Variants in NAT16 observed in about 807,000 individuals in gnomAD.
NAT16 encodes N-acetyltransferase 16 (putative), also known as probable N-acetyltransferase 16.
A neutral mutation model predicts 15.9 loss-of-function variants in NAT16; 16 were observed. The ratio of observed to expected loss-of-function variants is 1.01; its 90% CI spans 0.68 to 1.53. NAT16 has a LOEUF of 1.53. Among genes scored for constraint, NAT16 ranks in the 40% most tolerant of loss-of-function variants. The pLI, the probability that NAT16 is intolerant of heterozygous loss-of-function variation, is 0.00. For synonymous variants in NAT16, 260 were observed against 241.9 expected (o/e 1.07, Z -0.69); for missense variants, 572 against 508.4 (o/e 1.13, Z -1.20).
rs184498003 is a variant in NAT16 at position 101,173,170 on chromosome 7, T to C, written c.537+126A>G. 3.3e-4 allele frequency: 291 copies of C among 871,194 alleles called. 3 individuals carry two copies. The African/African-American group carries it at 4.5e-3, about 13-fold the overall frequency. 54.0% of individuals were successfully genotyped at this position (871,194 alleles called of 1,614,324 possible). On this transcript the variant is annotated intron_variant, in intron 3 of 3. Transcript: ENST00000300303. The stretch of plus-strand genomic sequence containing the variant: ...AGGACTGGGAGTCCCAGGGCAAGGC[T>C]CATGGGCCGCGCCACTCGGTAAAGC...
At chr7:101,173,242 C>T in intron 3 of NAT16, 54 bp downstream of exon 3, 2 of 1,492,724 alleles carry the variant, frequency 1.3e-6, no homozygotes, top group South Asian at 1.1e-5. Flanking sequence ...GGGAGGGTCT[C>T]CCCATATGCC....
At chr7:101,179,831 A>T (rs1203304298) in intron 1 of NAT16, among the ~76,000 whole-genome samples, 1 of 138,084 alleles carries the variant, frequency 7.2e-6, no homozygotes, top group Non-Finnish European at 1.6e-5. Flanking sequence ...TGGGAGCGAC[A>T]TGGCAACAGA....
In NAT16 at chr7:101,172,506, A is replaced by G; in HGVS notation, c.683T>C (p.Leu228Pro). Residue 228 changes from leucine (L) to proline (P), a missense_variant, in exon 4 of 4, where the codon CTG becomes CCG. Transcript: ENST00000300303. The surrounding 1 kb of genome is among the most constrained non-coding windows in gnomAD (Gnocchi z 4.2). Reference sequence around the variant, plus strand: ...CACGTCGCGCTGCACGGAGGGTGACAGCAGGAGGCGTGCCACGTCGCCGCC... The same window carrying G: ...CACGTCGCGCTGCACGGAGGGTGACGGCAGGAGGCGTGCCACGTCGCCGCC... ...EAGGDVARLL[L>P]SPSVQRDVLP... The G allele has an allele frequency of 6.3e-7, 1 of 1,589,896 alleles. No homozygotes were observed. Among genetic ancestry groups the G allele is most frequent in the African/African-American group, 1.4e-5 (1 of 73,938 alleles).
chr7:101,174,914 CTTTCTT>C, intron 1 of NAT16, 103 bp from the exon 2 acceptor site: 1 of 1,247,582 alleles, frequency 8.0e-7, no homozygotes, highest in Non-Finnish European at 1.0e-6. Context: ...CACAAATAGC[CTTTCTT>C]TTTCTTTTCT....
rs1380377864 is a variant in NAT16 at position 101,172,613 on chromosome 7, C to T, written c.576G>A (p.Leu192=). The T allele has an allele frequency of 6.6e-7, 1 of 1,526,220 alleles. No individual in the cohort carries two copies. The highest frequency in any genetic ancestry group is 8.7e-7 in the Non-Finnish European group (1 of 1,145,068). The allele number at this position is 1,526,220 out of a possible 1,614,324, so 94.5% of individuals were successfully genotyped here. ...LLVRFNASAL[L]AGLGARLAAL... The stretch of plus-strand genomic sequence containing the variant: ...CCGCCAGCCGCGCGCCCAGCCCGGC[C>T]AGCAGCGCGGACGCGTTGAATCGGA... Residue 192 remains leucine (L), a synonymous_variant, in exon 4 of 4, where the codon CTG becomes CTA. Transcript: ENST00000300303. The surrounding 1 kb of genome is among the most constrained non-coding windows in gnomAD (Gnocchi z 4.2).
chr7:101,172,545 G>A lies in NAT16; in HGVS notation c.644C>T (p.Ala215Val). ...CACGTCGCCGCCTGCCTCGGACACG[G>A]CCTCGGTGGGCAGCGGCGAGAAGGT... ...SGTFSPLPTE[A>V]VSEAGGDVAR... Residue 215 changes from alanine (A) to valine (V), a missense_variant, in exon 4 of 4, where the codon GCC becomes GTC. Physicochemically the swap from Ala to Val is moderately conservative, Grantham distance 64. Transcript: ENST00000300303. This position sits in a 1 kb window ranked among gnomAD's most constrained non-coding sequence, Gnocchi z 4.2. The A allele has an allele frequency of 1.3e-6, 2 of 1,561,294 alleles. No homozygotes were observed. The highest frequency in any genetic ancestry group is 8.6e-7 in the Non-Finnish European group (1 of 1,161,932).
intron 1 of NAT16, among the ~76,000 whole-genome samples, chr7:101,175,712 G>C (rs1231830123): frequency 6.6e-6 from 1 of 152,066 alleles, no homozygotes; most frequent in Non-Finnish European, 1.5e-5. Flanking sequence ...TGGACTGGTT[G>C]AGTCATGGAG....
intron 1 of NAT16, among the ~76,000 whole-genome samples, chr7:101,175,580 T>C (rs1584223034): frequency 6.7e-6 from 1 of 149,538 alleles, no homozygotes; most frequent in African/African-American, 2.5e-5. Flanking sequence ...CAGCCCCAGA[T>C]CCAGGGACCC....
chr7:101,173,264 G>T, intron 3 of NAT16, 32 bp downstream of exon 3: 2 of 1,581,396 alleles, frequency 1.3e-6, no homozygotes, highest in Non-Finnish European at 1.7e-6. Context: ...CAGCAGAGAG[G>T]CCCAGCCATC....
chr7:101,177,631 T>G (rs553120018), intron 1 of NAT16, among the ~76,000 whole-genome samples: 1 of 152,272 alleles, frequency 6.6e-6, no homozygotes, highest in East Asian at 1.9e-4. Context: ...GGATATTAGG[T>G]GTGAGCCACC....
chr7:101,172,254 T>A lies in NAT16; in HGVS notation c.935A>T (p.Gln312Leu). Residue 312 changes from glutamine (Q) to leucine (L), a missense_variant, in exon 4 of 4, where the codon CAG (glutamine) becomes CTG (leucine). Coordinates refer to ENST00000300303, the MANE Select transcript of NAT16 (RefSeq NM_198571.3). The surrounding 1 kb of genome is among the most constrained non-coding windows in gnomAD (Gnocchi z 4.2). ...CTGGCGCTGCAGGTGCCACAGCAGCTGGCTCTGCACCTGCGCGCCGTCGCT... is the reference window on the plus strand; with the variant it reads ...CTGGCGCTGCAGGTGCCACAGCAGCAGGCTCTGCACCTGCGCGCCGTCGCT... ...FGSDGAQVQS[Q>L]LLWHLQRQAP... is the part of the protein sequence containing the mutation. The A allele has an allele frequency of 6.2e-7, 1 of 1,613,186 alleles. No homozygotes were observed. The highest frequency in any genetic ancestry group is 2.2e-5 in the East Asian group (1 of 44,828).
chr7:101,174,499 G>A lies in NAT16; in HGVS notation c.309C>T (p.Gly103=), dbSNP rs1156409255. 2.5e-6 allele frequency: 4 copies of A among 1,610,096 alleles called. No individual in the cohort carries two copies. Among genetic ancestry groups the A allele is most frequent in the Non-Finnish European group, 2.5e-6 (3 of 1,178,382 alleles). ...RTVVLAKRNG[G]VIALESVNVI... ...TGGGCCGTGCCCCCGGGCTCACCAC[G>A]CCTCCGTTGCGCTTGGCCAGCACCA... Residue 103 remains glycine (G), a synonymous_variant, in exon 2 of 4, where the codon GGC becomes GGT. Coordinates refer to ENST00000300303, the MANE Select transcript of NAT16 (RefSeq NM_198571.3).
At chr7:101,178,153 C>T (rs1324027685) in intron 1 of NAT16, among the ~76,000 whole-genome samples, 1 of 152,168 alleles carries the variant, frequency 6.6e-6, no homozygotes, top group African/African-American at 2.4e-5. Context: ...GGCATTTATA[C>T]GTCTCAGATA....
chr7:101,174,326 A>G, intron 2 of NAT16, 170 bp downstream of exon 2: 1 of 844,850 alleles, frequency 1.2e-6, no homozygotes, highest in Non-Finnish European at 1.8e-6. Context: ...CCTCACTGAC[A>G]TAGCCCCTGG....
intron 1 of NAT16, among the ~76,000 whole-genome samples, chr7:101,177,638 C>T (rs1405001278): frequency 6.6e-6 from 1 of 152,312 alleles, no homozygotes; most frequent in South Asian, 2.1e-4. Context: ...AGGTGTGAGC[C>T]ACCATGCCCA....
chr7:101,172,087 C>A lies in NAT16; in HGVS notation c.1102G>T (p.Asp368Tyr). The A allele has an allele frequency of 6.2e-7, 1 of 1,605,844 alleles. No individual in the cohort carries two copies. Among genetic ancestry groups the A allele is most frequent in the South Asian group, 1.1e-5 (1 of 90,494 alleles). Residue 368 changes from aspartate (D) to tyrosine (Y), a missense_variant, in exon 4 of 4, where the codon GAC becomes TAC. Physicochemically the swap from Asp to Tyr is radical, Grantham distance 160 (BLOSUM62 -3). Coordinates refer to ENST00000300303, the MANE Select transcript of NAT16 (RefSeq NM_198571.3). This position sits in a 1 kb window ranked among gnomAD's most constrained non-coding sequence, Gnocchi z 4.2. Reference protein sequence around the residue: ...GYTEQYLLEADI With the variant: ...GYTEQYLLEAYI The stretch of plus-strand genomic sequence containing the variant: ...CCGCCAGAGGAGAGGCCTCAGATGT[C>A]GGCCTCCAGCAGGTACTGTTCAGTA...
chr7:101,179,885 G>C (rs1333505001), intron 1 of NAT16, among the ~76,000 whole-genome samples, 157 bp downstream of exon 1: 1 of 152,072 alleles, frequency 6.6e-6, no homozygotes, highest in Non-Finnish European at 1.5e-5. Flanking sequence ...CGCAGCCTCT[G>C]ACTCAGTTTT....
In NAT16 at chr7:101,173,298, G is replaced by T. The variant is rs779767462; in HGVS notation, c.535C>A (p.Gln179Lys). 3.5e-5 allele frequency: 56 copies of T among 1,613,282 alleles called. No homozygotes were observed. Among genetic ancestry groups the T allele is most frequent in the Non-Finnish European group, 4.7e-5 (55 of 1,179,554 alleles). Residue 179 changes from glutamine to lysine, a missense_variant and splice_region_variant, in exon 3 of 4, where the codon CAG (glutamine) becomes AAG (lysine). Gln to Lys is a moderately conservative substitution (Grantham distance 53, BLOSUM62 1). Coordinates refer to ENST00000300303, the MANE Select transcript of NAT16 (RefSeq NM_198571.3). ...ELKKYRLITK[Q>K]GILLVRFNAS... The stretch of plus-strand genomic sequence containing the variant: ...TCCGAGCTCCCTGTCCTTCTCACCT[G>T]CTTGGTGATTAGGCGGTATTTCTTC...
chr7:101,180,115 C>T lies in NAT16; in HGVS notation c.-78G>A, dbSNP rs948584675. The T allele has an allele frequency of 6.5e-6, 1 of 153,006 alleles. No individual in the cohort carries two copies. Among genetic ancestry groups the T allele is most frequent in the Non-Finnish European group, 1.5e-5 (1 of 68,696 alleles). 9.5% of individuals were successfully genotyped at this position (153,006 alleles called of 1,614,324 possible). ...GCGGGGCGGGCGGCGGGCGCAGACA[C>T]CCCCGGTGCCAAGAGAGAGGTCCCT... On this transcript the variant is annotated 5_prime_UTR_variant, in exon 1 of 4. In the 5' UTR this introduces an upstream ATG that the reference lacks. Coordinates refer to ENST00000300303, the MANE Select transcript of NAT16 (RefSeq NM_198571.3).
Sources: allele counts gnomAD v4.1 joint callset (sites outside exome capture counted in the v4.1 genomes callset), GRCh38; gene constraint gnomAD v4.1.1; non-coding constraint Gnocchi (gnomAD v3.1); transcripts MANE v1.5; gene names NCBI Gene and HGNC (gene_info 2026-07-23, HGNC 2026-07-21).